CHRM3: variants seen among roughly 807,000 people sequenced by gnomAD.
CHRM3 encodes the protein muscarinic acetylcholine receptor M3.
A neutral mutation model predicts 41.8 loss-of-function variants in CHRM3; 11 were observed. The ratio of observed to expected loss-of-function variants is 0.26; its 90% confidence interval spans 0.17 to 0.44. CHRM3 has a LOEUF of 0.44. CHRM3 is among the 20% of genes least tolerant of loss of function. The probability of loss-of-function intolerance (pLI) is 1.00; values close to 1 mark genes in which losing one functional copy is unlikely to be tolerated. For synonymous variants in CHRM3, 297 were observed against 301.4 expected (o/e 0.99, Z 0.15); for missense variants, 571 against 745.4 (o/e 0.77, Z 2.72).
chr1:239,438,970 T>C (rs1033961825), intron 1 of CHRM3, among the ~76,000 whole-genome samples: 4 of 152,188 alleles, frequency 2.6e-5, no homozygotes, highest in African/African-American at 9.7e-5. Flanking sequence ...CAGTGCAAAC[T>C]GGTTTCCTTC....
At chr1:239,649,743 T>G (rs2148961759) in intron 4 of CHRM3, among the ~76,000 whole-genome samples, 1 of 152,022 alleles carries the variant, frequency 6.6e-6, no homozygotes, top group Non-Finnish European at 1.5e-5. Context: ...GAGAGAAGGA[T>G]AGTGGGGTGG....
chr1:239,532,453 C>T (rs539810747), intron 2 of CHRM3, among the ~76,000 whole-genome samples: 2 of 150,466 alleles, frequency 1.3e-5, no homozygotes, highest in South Asian at 4.2e-4. Flanking sequence ...TGGTGAAACC[C>T]CCTCTCTACT....
chr1:239,542,077 C>A (rs534384992), intron 2 of CHRM3, among the ~76,000 whole-genome samples: 9 of 152,174 alleles, frequency 5.9e-5, no homozygotes. Flanking sequence ...TTTTAAAAAA[C>A]CATGTCTGTC....
chr1:239,715,980 G>T (rs775320074), intron 5 of CHRM3, among the ~76,000 whole-genome samples: 8 of 152,066 alleles, frequency 5.3e-5, no homozygotes, highest in Non-Finnish European at 1.0e-4. Flanking sequence ...GTACCATTCT[G>T]CAGAGTCACA....
intron 2 of CHRM3, among the ~76,000 whole-genome samples, chr1:239,514,173 CT>C (rs1371826559): frequency 6.6e-6 from 1 of 152,052 alleles, no homozygotes; most frequent in Non-Finnish European, 1.5e-5. Flanking sequence ...TATAAAATAT[CT>C]TGCTGGGATT....
intron 5 of CHRM3, among the ~76,000 whole-genome samples, chr1:239,800,536 G>A (rs1240617080): frequency 6.6e-6 from 1 of 152,148 alleles, no homozygotes; most frequent in Non-Finnish European, 1.5e-5. Flanking sequence ...GAACCTCCTG[G>A]GTGATTCAAT....
At chr1:239,808,008 A>G (rs1670798288) in intron 5 of CHRM3, among the ~76,000 whole-genome samples, 1 of 152,168 alleles carries the variant, frequency 6.6e-6, no homozygotes, top group Admixed American at 6.5e-5. Flanking sequence ...TTAGTTATAT[A>G]AAACATGAAG....
chr1:239,586,704 G>T (rs1397190906), intron 3 of CHRM3, among the ~76,000 whole-genome samples: 1 of 151,914 alleles, frequency 6.6e-6, no homozygotes, highest in African/African-American at 2.4e-5. Context: ...TTATAATTTT[G>T]ACACTCAGGC....
chr1:239,586,127 T>A (rs965161135), intron 3 of CHRM3, among the ~76,000 whole-genome samples: 3 of 152,216 alleles, frequency 2.0e-5, no homozygotes, highest in East Asian at 3.8e-4. Context: ...ACAGGCCCAG[T>A]AACCTCTGAC....
At chr1:239,414,285 A>G (rs1377236882) in intron 1 of CHRM3, among the ~76,000 whole-genome samples, 1 of 152,228 alleles carries the variant, frequency 6.6e-6, no homozygotes, top group East Asian at 1.9e-4. Flanking sequence ...TGTCTTTGAC[A>G]TAAATGAAAA....
chr1:239,472,964 A>C (rs868321147), intron 1 of CHRM3, among the ~76,000 whole-genome samples: 3 of 152,224 alleles, frequency 2.0e-5, no homozygotes, highest in Non-Finnish European at 4.4e-5. Context: ...TGAAATAACA[A>C]AGAAAGATCA....
chr1:239,802,546 G>C (rs1024248437), intron 5 of CHRM3, among the ~76,000 whole-genome samples: 12 of 152,166 alleles, frequency 7.9e-5, no homozygotes, highest in African/African-American at 2.7e-4. Flanking sequence ...AGGAAAAGAA[G>C]CAGGGGGTCA....
intron 2 of CHRM3, among the ~76,000 whole-genome samples, chr1:239,535,894 T>C (rs1039162721): frequency 2.6e-5 from 4 of 152,124 alleles, no homozygotes; most frequent in African/African-American, 9.7e-5. Flanking sequence ...TGCAGTTTGA[T>C]TCTGAACCAT....
intron 5 of CHRM3, among the ~76,000 whole-genome samples, chr1:239,763,371 A>G (rs180900527): frequency 2.6e-5 from 4 of 152,352 alleles, no homozygotes; most frequent in Non-Finnish European, 4.4e-5. Flanking sequence ...TCAATGTCTC[A>G]TGAATATATA....
rs765093583 is a variant in CHRM3 at position 239,703,760 on chromosome 1, CTG to C, written c.-147+25476_-147+25477del. On this transcript the variant is annotated intron_variant, in intron 5 of 6. Coordinates refer to ENST00000676153, the MANE Select transcript of CHRM3 (RefSeq NM_001375978.1). ...CAGTAAAGTTACTTGAACACCCACT[CTG>C]TGTCGGGTTTTGGAGACATAAAGGC... 445 of 152,250 alleles carry C rather than the reference CTG, an allele frequency of 2.9e-3. 4 individuals carry two copies. Among genetic ancestry groups the C allele is most frequent in the African/African-American group, 9.9e-3 (413 of 41,538 alleles). 9.4% of individuals were successfully genotyped at this position (152,250 alleles called of 1,614,324 possible).
chr1:239,634,537 A>G (rs572511120), intron 4 of CHRM3, among the ~76,000 whole-genome samples: 1 of 151,916 alleles, frequency 6.6e-6, no homozygotes, highest in African/African-American at 2.4e-5. Flanking sequence ...AATTCTGAGC[A>G]TCTTCTTTTC....
rs529170413 is a variant in CHRM3, at chr1:239,907,238, C to T, written c.-19-195C>T. ...AGTGCATGCCACCAATTATATAATA[C>T]TATCTCAAACAAATCGATGTCTGTC... On this transcript the variant is annotated intron_variant, in intron 6 of 6. Coordinates refer to ENST00000676153, the MANE Select transcript of CHRM3 (RefSeq NM_001375978.1). This position sits in a 1 kb window ranked among gnomAD's most constrained non-coding sequence, Gnocchi z 5.4. Among the ~76,000 whole-genome samples, 1 of 152,274 alleles carries T rather than the reference C, an allele frequency of 6.6e-6. No individual in the cohort carries two copies. The highest frequency in any genetic ancestry group is 2.1e-4 in the South Asian group (1 of 4,830).
chr1:239,804,657 C>T (rs1031782562), intron 5 of CHRM3, among the ~76,000 whole-genome samples: 2 of 152,140 alleles, frequency 1.3e-5, no homozygotes, highest in African/African-American at 2.4e-5. Context: ...AGTCACATCC[C>T]TCCATGGGGC....
At chr1:239,650,690 TA>T (rs1558420127) in intron 4 of CHRM3, among the ~76,000 whole-genome samples, 1 of 152,162 alleles carries the variant, frequency 6.6e-6, no homozygotes, top group Admixed American at 6.5e-5. Context: ...TTCACTTCAC[TA>T]AAAGTGAGGG....
Sources: gnomAD v4.1 joint callset for allele counts (sites outside exome capture counted in the v4.1 genomes callset) on GRCh38, gnomAD v4.1.1 for gene constraint, Gnocchi (gnomAD v3.1) non-coding constraint, MANE v1.5 for transcripts, NCBI Gene and HGNC (gene_info 2026-07-23, HGNC 2026-07-21) for gene names.